Variants in XIRP2 observed in about 807,000 individuals in gnomAD.
The protein encoded by XIRP2 is xin actin binding repeat containing 2.
XIRP2 carries 236 observed loss-of-function variants against 277.0 expected under a neutral mutation model. The ratio of observed to expected loss-of-function variants is 0.85; its 90% CI spans 0.77 to 0.95. The LOEUF (loss-of-function observed/expected upper bound fraction) is 0.95. XIRP2 is among the 40% of genes least tolerant of loss of function. The pLI is 0.00. For missense variants in XIRP2, 4,640 were observed against 4,157.5 expected, an observed-to-expected ratio of 1.12 and a Z score of -3.19; for synonymous variants, 1,490 against 1,416.5, an observed-to-expected ratio of 1.05 and a Z score of -1.17.
At chr2:167,079,345 C>CA (rs575268819) in intron 2 of XIRP2, among the ~76,000 whole-genome samples, 28 of 152,078 alleles carry the variant, frequency 1.8e-4, no homozygotes, top group Middle Eastern at 3.2e-3. Flanking sequence ...ATACTGGCTT[C>CA]AAAAAATGAG....
rs777053988 is a variant in XIRP2 at position 167,251,282 on chromosome 2, G to A, written c.9890G>A (p.Arg3297His). The change falls in exon 9 of 11, where the codon CGC becomes CAC. Residue 3297 changes from arginine to histidine, a missense_variant. Coordinates refer to ENST00000409195, the MANE Select transcript of XIRP2 (RefSeq NM_152381.6). ...AGTTATGATGCAGTTGAAATCATCCGCAAGGTTGCAGTGCCTCCTCGCCTG... is the reference window on the plus strand; with the variant it reads ...AGTTATGATGCAGTTGAAATCATCCACAAGGTTGCAGTGCCTCCTCGCCTG... ...TESYDAVEII[R>H]KVAVPPRLSE... The A allele has an allele frequency of 2.9e-5, 47 of 1,613,382 alleles. No individual in the cohort carries two copies. In the East Asian group the frequency reaches 4.7e-4, roughly 16 times the overall value.
At chr2:166,949,847 T>A (rs1317257846) in intron 2 of XIRP2, among the ~76,000 whole-genome samples, 1 of 152,114 alleles carries the variant, frequency 6.6e-6, no homozygotes, top group Non-Finnish European at 1.5e-5. Context: ...TATATTTCTA[T>A]AGATTTTTAT....
At chr2:167,202,614 T>G (rs1168752859) in intron 3 of XIRP2, among the ~76,000 whole-genome samples, 1 of 152,200 alleles carries the variant, frequency 6.6e-6, no homozygotes, top group Non-Finnish European at 1.5e-5. Flanking sequence ...TACGTGTCTG[T>G]GCAATTTAGG....
chr2:167,249,891 G>C lies in XIRP2; in HGVS notation c.8499G>C (p.Glu2833Asp), dbSNP rs371866864. 9.9e-6 allele frequency: 16 copies of C among 1,613,484 alleles called. No individual in the cohort carries two copies. The African/African-American group carries it at 2.0e-4, about 20-fold the overall frequency. Residue 2833 changes from glutamate (E) to aspartate (D), a missense_variant, in exon 9 of 11, where the codon GAG (glutamate) becomes GAC (aspartate). Coordinates refer to ENST00000409195, the MANE Select transcript of XIRP2 (RefSeq NM_152381.6). Reference protein sequence around the residue: ...QGPSMIGRKEERLITERKHEH... With the variant: ...QGPSMIGRKEDRLITERKHEH... ...CATCAATGATTGGTCGAAAAGAAGAGAGATTAATAACTGAAAGAAAACACG... is the reference window on the plus strand; with the variant it reads ...CATCAATGATTGGTCGAAAAGAAGACAGATTAATAACTGAAAGAAAACACG...
At chr2:166,983,338 T>C in intron 2 of XIRP2, among the ~76,000 whole-genome samples, 1 of 152,228 alleles carries the variant, frequency 6.6e-6, no homozygotes, top group Middle Eastern at 3.4e-3. Flanking sequence ...CTTTCCCAAG[T>C]TTTTGTTTCT....
intron 3 of XIRP2, among the ~76,000 whole-genome samples, chr2:167,170,585 T>A (rs1453098033): frequency 6.7e-6 from 1 of 149,958 alleles, no homozygotes; most frequent in Non-Finnish European, 1.5e-5. Flanking sequence ...GTCTATTTAC[T>A]GACAAAAAAT....
intron 2 of XIRP2, among the ~76,000 whole-genome samples, chr2:166,928,402 T>A (rs1047014976): frequency 6.6e-6 from 1 of 152,130 alleles, no homozygotes; most frequent in Non-Finnish European, 1.5e-5. Flanking sequence ...ATTAGGCTGT[T>A]AACACTTAGT....
intron 2 of XIRP2, among the ~76,000 whole-genome samples, chr2:166,947,990 T>C (rs556860022): frequency 4.6e-5 from 7 of 152,256 alleles, no homozygotes; most frequent in Admixed American, 6.5e-5. Flanking sequence ...CTGATTTCAA[T>C]TGTGTGACAT....
rs1261752339 is a variant in XIRP2, at chr2:167,034,338, G to GA, written c.409-101565dup. On this transcript the variant is annotated intron_variant, in intron 2 of 10. Coordinates refer to ENST00000409195, the MANE Select transcript of XIRP2 (RefSeq NM_152381.6). ...ATCAAGATATTAAAACATACCACCA[G>GA]AAAAAATTACCTTTTCAAAAAGGAA... 5.3e-5 allele frequency among the ~76,000 whole-genome samples: 8 copies of GA among 151,866 alleles called. No homozygotes were observed. In the South Asian group the frequency reaches 6.2e-4, roughly 12 times the overall value.
At chr2:166,892,108 T>G (rs1358986467) in intron 1 of XIRP2, among the ~76,000 whole-genome samples, 3 of 152,174 alleles carry the variant, frequency 2.0e-5, no homozygotes, top group South Asian at 2.1e-4. Flanking sequence ...TTCAGACACA[T>G]GTTGTAGTTT....
At chr2:167,036,661 G>A (rs935558936) in intron 2 of XIRP2, among the ~76,000 whole-genome samples, 2 of 152,068 alleles carry the variant, frequency 1.3e-5, no homozygotes, top group Non-Finnish European at 2.9e-5. Flanking sequence ...AGACTTCGGG[G>A]GAGTGTTGGG....
chr2:167,184,597 G>T lies in XIRP2; in HGVS notation c.563-26138G>T, dbSNP rs567929114. The T allele has an allele frequency of 1.8e-5, 13 of 717,386 alleles. No homozygotes were observed. In the South Asian group the frequency reaches 1.9e-4, roughly 11 times the overall value. 44.4% of individuals were successfully genotyped at this position (717,386 alleles called of 1,614,324 possible). On this transcript the variant is annotated intron_variant, in intron 3 of 10. Coordinates refer to ENST00000409195, the MANE Select transcript of XIRP2 (RefSeq NM_152381.6). ...TCAGGCTCCACCTGCATCCAAAATT[G>T]ACAAAGACCCCCAAGAACAGCCTCA... is the stretch of plus-strand genomic sequence containing the variant.
At chr2:167,044,424 G>C (rs1688738301) in intron 2 of XIRP2, among the ~76,000 whole-genome samples, 1 of 152,064 alleles carries the variant, frequency 6.6e-6, no homozygotes, top group Non-Finnish European at 1.5e-5. Flanking sequence ...CCTCACTAGA[G>C]CAATCAGGCA....
intron 2 of XIRP2, among the ~76,000 whole-genome samples, chr2:167,005,973 A>G (rs1687494277): frequency 6.6e-6 from 1 of 151,622 alleles, no homozygotes; most frequent in South Asian, 2.1e-4. Context: ...CAGAATCATA[A>G]CTCTTGGCAC....
intron 3 of XIRP2, among the ~76,000 whole-genome samples, chr2:167,179,735 G>C (rs940060551): frequency 6.6e-5 from 10 of 151,896 alleles, no homozygotes; most frequent in African/African-American, 2.4e-4. Flanking sequence ...TGACTTCAGA[G>C]CTCAAGAGAT....
intron 2 of XIRP2, among the ~76,000 whole-genome samples, chr2:166,980,227 CT>C (rs1686829876): frequency 6.6e-6 from 1 of 151,792 alleles, no homozygotes; most frequent in African/African-American, 2.4e-5. Context: ...TTATAACTTT[CT>C]TTTTTTCTTG....
At chr2:166,897,485 T>C (rs1239501378) in intron 1 of XIRP2, among the ~76,000 whole-genome samples, 1 of 152,042 alleles carries the variant, frequency 6.6e-6, no homozygotes. Context: ...AGACATCTCA[T>C]TATGCAAAAG....
At chr2:167,092,350 T>G (rs1024773243) in intron 2 of XIRP2, among the ~76,000 whole-genome samples, 5 of 152,158 alleles carry the variant, frequency 3.3e-5, no homozygotes, top group Non-Finnish European at 5.9e-5. Context: ...AAGTGGTATT[T>G]TCATGCTTGA....
At chr2:167,240,119 A>G (rs1328365995) in intron 6 of XIRP2, among the ~76,000 whole-genome samples, 154 bp downstream of exon 6, 5 of 151,922 alleles carry the variant, frequency 3.3e-5, no homozygotes, top group Admixed American at 3.3e-4. Context: ...GAATTCTTTT[A>G]AAAGTAAAAT....
Sources: allele counts gnomAD v4.1 joint callset (sites outside exome capture counted in the v4.1 genomes callset), GRCh38; gene constraint gnomAD v4.1.1; transcripts MANE v1.5; gene names NCBI Gene and HGNC (gene_info 2026-07-23, HGNC 2026-07-21).